Variants in IMPDH2 observed in about 807,000 individuals in gnomAD.
IMPDH2 encodes inosine monophosphate dehydrogenase 2.
Under a neutral mutation model 57.8 loss-of-function variants are expected in IMPDH2, and 33 were observed. The observed-to-expected ratio is 0.57, with a 90% confidence interval of 0.43 to 0.76. IMPDH2 has a LOEUF of 0.76. Among genes scored for constraint, IMPDH2 ranks in the 30% least tolerant of loss-of-function variants. IMPDH2 has a pLI of 0.00. For synonymous variants in IMPDH2, 270 were observed against 241.3 expected (o/e 1.12, Z -1.10); for missense variants, 446 against 659.1 (o/e 0.68, Z 3.54).
chr3:49,026,128 C>A, intron 9 of IMPDH2, 196 bp downstream of exon 9: 1 of 685,396 alleles, frequency 1.5e-6, no homozygotes, highest in Non-Finnish European at 2.7e-6. Flanking sequence ...GAAGGCCAGG[C>A]TAGGCAAGGG....
intron 1 of IMPDH2, 102 bp downstream of exon 1, chr3:49,029,151 C>T: frequency 2.1e-6 from 2 of 951,882 alleles, no homozygotes; most frequent in Non-Finnish European, 3.3e-6. Flanking sequence ...CGAAACCTGT[C>T]CCCCACGCCC....
chr3:49,025,459 T>G (rs2093194193), intron 9 of IMPDH2, 190 bp from the exon 10 acceptor site: 1 of 630,918 alleles, frequency 1.6e-6, no homozygotes, highest in Non-Finnish European at 2.8e-6. Context: ...TGTGCTGACC[T>G]CTACTCACCC....
chr3:49,028,183 TCCCAC>T (rs1191922792), intron 4 of IMPDH2, 60 bp downstream of exon 4: 10 of 1,303,140 alleles, frequency 7.7e-6, no homozygotes, highest in East Asian at 2.3e-5. Flanking sequence ...AAACCCCTAC[TCCCAC>T]CCCACCCCAC....
At chr3:49,025,499 C>G in intron 9 of IMPDH2, 1 of 549,400 alleles carries the variant, frequency 1.8e-6, no homozygotes, top group South Asian at 2.0e-5. Context: ...TGTGCAGTGC[C>G]CAGGGCAGCC....
chr3:49,025,871 G>C, intron 9 of IMPDH2: 1 of 426,926 alleles, frequency 2.3e-6, no homozygotes, highest in African/African-American at 2.0e-5. Context: ...CCCAAACCAT[G>C]GTCTGTGTAT....
intron 11 of IMPDH2, 36 bp from the exon 12 acceptor site, chr3:49,024,838 G>A: frequency 6.2e-7 from 1 of 1,614,138 alleles, no homozygotes; most frequent in East Asian, 2.2e-5. Context: ...CAAGGTCACA[G>A]CAGAGATGAG....
intron 5 of IMPDH2, 76 bp from the exon 6 acceptor site, chr3:49,027,123 T>G (rs1325661462): frequency 8.5e-7 from 1 of 1,177,770 alleles, no homozygotes; most frequent in African/African-American, 1.5e-5. Context: ...CCTTCCCAAG[T>G]AGCTGAGCTC....
chr3:49,026,724 T>G lies in IMPDH2; in HGVS notation c.782A>C (p.Asp261Ala). ...GTHEDDKYRL[D>A]LLAQAGVDVV... ...ATCCACACCAGCCTGGGCGAGCAAG[T>G]CCAGCCTATACTTGTCATCCTCATG... The change falls in exon 7 of 14, where the codon GAC becomes GCC. Residue 261 changes from aspartate (D) to alanine (A), a missense_variant. Coordinates refer to ENST00000326739, the MANE Select transcript of IMPDH2 (RefSeq NM_000884.3). 6.2e-7 allele frequency: 1 copy of G among 1,614,172 alleles called. No homozygotes were observed. Among genetic ancestry groups the G allele is most frequent in the Non-Finnish European group, 8.5e-7 (1 of 1,180,028 alleles).
chr3:49,027,086 G>A (rs369757217), intron 5 of IMPDH2, 39 bp from the exon 6 acceptor site: 13 of 1,433,880 alleles, frequency 9.1e-6, no homozygotes, highest in African/African-American at 5.6e-5. Context: ...GCCAGTCATC[G>A]ACTATGACCA....
At chr3:49,027,536 T>C (rs1177875771) in intron 5 of IMPDH2, among the ~76,000 whole-genome samples, 174 bp downstream of exon 5, 3 of 152,190 alleles carry the variant, frequency 2.0e-5, no homozygotes, top group African/African-American at 7.2e-5. Context: ...ATTTGGGCAG[T>C]TTGAAAGCCT....
chr3:49,029,149 G>T, intron 1 of IMPDH2, 104 bp downstream of exon 1: 1 of 941,068 alleles, frequency 1.1e-6, no homozygotes, highest in Non-Finnish European at 1.7e-6. Flanking sequence ...CCCGAAACCT[G>T]TCCCCCACGC....
chr3:49,026,489 C>G (rs752210075), intron 8 of IMPDH2, 30 bp downstream of exon 8: 6 of 1,604,214 alleles, frequency 3.7e-6, no homozygotes, highest in African/African-American at 2.7e-5. Flanking sequence ...ACTCCCACCA[C>G]ACATCCTTCA....
At chr3:49,024,614 C>T in intron 12 of IMPDH2, 36 bp from the exon 13 acceptor site, 1 of 1,614,164 alleles carries the variant, frequency 6.2e-7, no homozygotes, top group Non-Finnish European at 8.5e-7. Flanking sequence ...GGGTAGCTGG[C>T]CCTGGACCAG....
Position 49,024,760 on chromosome 3 carries a change from A to G in IMPDH2, c.1338T>C (p.Ala446=). Residue 446 remains alanine, a synonymous_variant, in exon 12 of 14, where the codon GCT becomes GCC. Transcript: ENST00000326739. ...KIKVAQGVSG[A]VQDKGSIHKF... ...TGTGGATTGACCCTTTGTCCTGCAC[A>G]GCACCAGACACTCCCTGGGCCACTT... 1 of 1,614,224 alleles carries G rather than the reference A, an allele frequency of 6.2e-7. No homozygotes were observed. The highest frequency in any genetic ancestry group is 2.2e-5 in the East Asian group (1 of 44,890).
At chr3:49,027,383 GGAC>G (rs1311763995) in intron 5 of IMPDH2, among the ~76,000 whole-genome samples, 1 of 152,122 alleles carries the variant, frequency 6.6e-6, no homozygotes, top group African/African-American at 2.4e-5. Flanking sequence ...TGAGTAGAAA[GGAC>G]AACATGGCAC....
At chr3:49,026,662 C>T (rs2093200873) in intron 7 of IMPDH2, 25 bp downstream of exon 7, 1 of 1,613,510 alleles carries the variant, frequency 6.2e-7, no homozygotes, top group East Asian at 2.2e-5. Flanking sequence ...CCCTATTGCC[C>T]CAACCCACCT....
chr3:49,025,877 T>C (rs2093196419), intron 9 of IMPDH2: 7 of 439,932 alleles, frequency 1.6e-5, no homozygotes, highest in South Asian at 9.7e-5. Context: ...CCATGGTCTG[T>C]GTATCAGTTG....
intron 9 of IMPDH2, chr3:49,026,013 T>G (rs535859682): frequency 1.6e-5 from 8 of 501,206 alleles, no homozygotes; most frequent in South Asian, 1.1e-4. Context: ...CCCGTGACAG[T>G]AGAAGGGCAT....
intron 4 of IMPDH2, 28 bp downstream of exon 4, chr3:49,028,220 G>T (rs200952546): frequency 1.3e-6 from 2 of 1,583,284 alleles, no homozygotes; most frequent in Admixed American, 1.7e-5. Flanking sequence ...TCCCAGGAGC[G>T]CTTGCTAATG....
Sources: allele counts gnomAD v4.1 joint callset (sites outside exome capture counted in the v4.1 genomes callset), GRCh38; gene constraint gnomAD v4.1.1; transcripts MANE v1.5; gene names NCBI Gene and HGNC (gene_info 2026-07-23, HGNC 2026-07-21).